C6: variants seen among roughly 807,000 people sequenced by gnomAD.
C6 encodes complement C6, also known as complement component C6.
Under a neutral mutation model 112.9 loss-of-function variants are expected in C6, and 101 were observed. That is an observed-to-expected ratio of 0.89 (90% CI 0.76 to 1.06). The LOEUF (loss-of-function observed/expected upper bound fraction) is 1.06. C6 is among the 50% of genes least tolerant of loss of function. The pLI is 0.00. For missense variants in C6, 1,202 were observed against 1,104.6 expected, an observed-to-expected ratio of 1.09 and a Z score of -1.25; for synonymous variants, 431 against 384.1, an observed-to-expected ratio of 1.12 and a Z score of -1.43.
At chr5:41,213,639 A>G, upstream of C6, 1 of 721,430 alleles carries the variant, frequency 1.4e-6, no homozygotes, top group South Asian at 6.2e-5. Flanking sequence ...TGGATGTTAC[A>G]CAGAGTCCTG....
At chr5:41,176,033 G>GA (rs1229795270) in intron 8 of C6, among the ~76,000 whole-genome samples, 1 of 152,028 alleles carries the variant, frequency 6.6e-6, no homozygotes, top group Non-Finnish European at 1.5e-5. Flanking sequence ...ATTATTACAG[G>GA]AAAAAATTGC....
At chr5:41,211,991 G>A (rs755735928) in intron 1 of C6, among the ~76,000 whole-genome samples, 12 of 151,984 alleles carry the variant, frequency 7.9e-5, no homozygotes, top group Non-Finnish European at 1.2e-4. Flanking sequence ...TATTCTGATC[G>A]CTCTTTAAGC....
rs2150261295 is a variant in C6 at position 41,159,170 on chromosome 5, T to C, written c.1768A>G (p.Asn590Asp). The C allele has an allele frequency of 6.2e-7, 1 of 1,613,682 alleles. No individual in the cohort carries two copies. The highest frequency in any genetic ancestry group is 1.3e-5 in the African/African-American group (1 of 74,990). ...CCTCCTCGTTGGGGGGCAGGATTAT[T>C]GCATTCTCGGGTTCTCGATCTCTTA... ...TYKRSRTREC[N>D]NPAPQRGGKR... The change falls in exon 12 of 18, where the codon AAT (asparagine) becomes GAT (aspartate). Residue 590 changes from asparagine to aspartate, a missense_variant. Physicochemically the swap from Asn to Asp is conservative, Grantham distance 23 (BLOSUM62 1). Transcript: ENST00000337836.
intron 1 of C6, among the ~76,000 whole-genome samples, chr5:41,257,760 G>A (rs1291318225): frequency 1.3e-5 from 2 of 152,100 alleles, no homozygotes; most frequent in African/African-American, 2.4e-5. Flanking sequence ...ATCTAAGGCT[G>A]ACATATATAC....
chr5:41,172,484 G>A (rs1748511840), intron 8 of C6, 137 bp from the exon 9 acceptor site: 1 of 846,348 alleles, frequency 1.2e-6, no homozygotes, highest in Non-Finnish European at 1.9e-6. Flanking sequence ...ATAATCTTAA[G>A]TGACAGCTCA....
chr5:41,237,281 G>A (rs369132202), intron 1 of C6, among the ~76,000 whole-genome samples: 1 of 79,160 alleles, frequency 1.3e-5, no homozygotes, highest in Non-Finnish European at 2.5e-5. Flanking sequence ...CCAAAAAAGA[G>A]AATTTTAGAC....
intron 1 of C6, among the ~76,000 whole-genome samples, chr5:41,211,504 C>A (rs955419454): frequency 4.1e-4 from 63 of 152,064 alleles, no homozygotes; most frequent in African/African-American, 1.5e-3. Flanking sequence ...GGTATTGGGA[C>A]AATAGTAGCC....
In C6 at chr5:41,181,949, T is replaced by C. The variant is rs534063299; in HGVS notation, c.727-390A>G. Reference sequence around the variant, plus strand: ...GCAGTGTGCAGTCTAACTAAGATACTTTTCAGTTCTGACAACTGGGCTTGT... The same window carrying C: ...GCAGTGTGCAGTCTAACTAAGATACCTTTCAGTTCTGACAACTGGGCTTGT... On this transcript the variant is annotated intron_variant, in intron 6 of 17. Coordinates refer to ENST00000337836, the MANE Select transcript of C6 (RefSeq NM_000065.5). Among the ~76,000 whole-genome samples, 3 of 152,286 alleles carry C rather than the reference T, an allele frequency of 2.0e-5. No homozygotes were observed. The South Asian group carries it at 6.2e-4, about 32-fold the overall frequency.
chr5:41,143,013 T>A lies in C6; in HGVS notation c.2624-7A>T. 2 of 1,609,678 alleles carry A rather than the reference T, an allele frequency of 1.2e-6. No individual in the cohort carries two copies. Among genetic ancestry groups the A allele is most frequent in the South Asian group, 1.1e-5 (1 of 90,938 alleles). Reference sequence around the variant, plus strand: ...ACACATTTGGAAGTGGAGGCTGTAATGAGAGAGAGAGAGACAGTGTGACTT... The same window carrying A: ...ACACATTTGGAAGTGGAGGCTGTAAAGAGAGAGAGAGAGACAGTGTGACTT... On this transcript the variant is annotated splice_polypyrimidine_tract_variant and splice_region_variant and intron_variant, in intron 17 of 17. Transcript: ENST00000337836.
intron 10 of C6, among the ~76,000 whole-genome samples, chr5:41,160,927 AT>A (rs1389309579): frequency 6.6e-6 from 1 of 152,212 alleles, no homozygotes; most frequent in Admixed American, 6.5e-5. Flanking sequence ...TGCTCATTTT[AT>A]TAACATCATA....
At chr5:41,214,196 C>T (rs549801850), upstream of C6, among the ~76,000 whole-genome samples, 8 of 152,330 alleles carry the variant, frequency 5.3e-5, no homozygotes, top group African/African-American at 1.4e-4. Context: ...CACTAAGCAG[C>T]TACCAGCTAT....
In C6 at chr5:41,200,514, G is replaced by A. The variant is rs1750930703; in HGVS notation, c.301-602C>T. ...GGGCAAATTACTTAACCCCAAATGA[G>A]CAATAACTTTCTCATCTGTAAAATG... On this transcript the variant is annotated intron_variant, in intron 3 of 17. Coordinates refer to ENST00000337836, the MANE Select transcript of C6 (RefSeq NM_000065.5). 3.9e-5 allele frequency among the ~76,000 whole-genome samples: 6 copies of A among 152,192 alleles called. 2 individuals are homozygous for A. Among genetic ancestry groups the A allele is most frequent in the Admixed American group, 3.9e-4 (6 of 15,274 alleles).
intron 1 of C6, among the ~76,000 whole-genome samples, chr5:41,208,958 T>C (rs1751669566): frequency 1.3e-5 from 2 of 152,146 alleles, no homozygotes; most frequent in Non-Finnish European, 2.9e-5. Context: ...TGAACATCGA[T>C]GCAAAAATCC....
chr5:41,192,828 G>T (rs13185550), intron 5 of C6, among the ~76,000 whole-genome samples: 45,362 of 152,038 alleles, frequency 0.3, 7,893 homozygotes, highest in Non-Finnish European at 0.4. Context: ...AAATTTACAT[G>T]AACAGAAAGT....
rs776482397 is a variant in C6 at position 41,199,915 on chromosome 5, G to A, written c.301-3C>T. Reference sequence around the variant, plus strand: ...CGCAAGACAGATCTAACTTTAGACTGAAAGGAAAGAAGAGAAAGATATAAC... The same window carrying A: ...CGCAAGACAGATCTAACTTTAGACTAAAAGGAAAGAAGAGAAAGATATAAC... On this transcript the variant is annotated splice_region_variant and splice_polypyrimidine_tract_variant and intron_variant, in intron 3 of 17. Coordinates refer to ENST00000337836, the MANE Select transcript of C6 (RefSeq NM_000065.5). 6.2e-7 allele frequency: 1 copy of A among 1,613,430 alleles called. No individual in the cohort carries two copies. Among genetic ancestry groups the A allele is most frequent in the Non-Finnish European group, 8.5e-7 (1 of 1,179,592 alleles).
intron 7 of C6, among the ~76,000 whole-genome samples, chr5:41,179,904 C>G (rs1306975886): frequency 6.6e-6 from 1 of 151,908 alleles, no homozygotes; most frequent in African/African-American, 2.4e-5. Context: ...CAGTTCCCAA[C>G]TCTAGCATTT....
At position 41,241,883 on chromosome 5, in the gene C6, G is replaced by C. The variant is rs549943181; in HGVS notation, c.-21+19311C>G. On this transcript the variant is annotated intron_variant, in intron 1 of 17. Coordinates refer to the C6 transcript ENST00000263413. ...GCCAGCACAGTGTGAAAAGACAGCT[G>C]GTGGACCAGTGTCCCCATCATTCCT... Among the ~76,000 whole-genome samples the C allele has an allele frequency of 1.2e-4, 18 of 152,246 alleles. No homozygotes were observed. The Middle Eastern group carries it at 0.01, about 86-fold the overall frequency.
intron 1 of C6, among the ~76,000 whole-genome samples, chr5:41,219,843 T>C (rs1739054914): frequency 6.6e-6 from 1 of 152,180 alleles, no homozygotes; most frequent in African/African-American, 2.4e-5. Context: ...AGAAAGGTTG[T>C]CTCAGTCAAA....
chr5:41,187,874 C>T (rs1309441965), intron 5 of C6, among the ~76,000 whole-genome samples: 2 of 152,030 alleles, frequency 1.3e-5, no homozygotes, highest in African/African-American at 2.4e-5. Context: ...TTTTTTCCAC[C>T]AGGGAAAGTA....
Sources: allele counts gnomAD v4.1 joint callset (sites outside exome capture counted in the v4.1 genomes callset), GRCh38; gene constraint gnomAD v4.1.1; transcripts MANE v1.5; gene names NCBI Gene and HGNC (gene_info 2026-07-23, HGNC 2026-07-21).